The following TMEM74 variants were observed in gnomAD, a reference collection of about 807,000 sequenced individuals.
TMEM74 encodes the protein transmembrane protein 74.
Under a neutral mutation model 18.1 loss-of-function variants are expected in TMEM74, and 13 were observed. That is an observed-to-expected ratio of 0.72 (90% CI 0.47 to 1.14). TMEM74 has a LOEUF of 1.14. Ranked by LOEUF, TMEM74 falls within the 50% of genes most tolerant of loss-of-function variation. The pLI is 0.00. For missense variants in TMEM74, 372 were observed against 375.9 expected (o/e 0.99, Z 0.09); for synonymous variants, 159 against 146.6 (o/e 1.08, Z -0.61).
At chr8:108,646,459 A>G (rs188584241) in intron 2 of TMEM74, among the ~76,000 whole-genome samples, 4 of 152,186 alleles carry the variant, frequency 2.6e-5, no homozygotes, top group African/African-American at 9.6e-5. Context: ...TAAATGCAAG[A>G]TTTCAAAATT....
Position 108,646,291 on chromosome 8 carries a change from C to T in TMEM74, n.264+9002G>A, listed in dbSNP as rs73702120. 5.6e-3 allele frequency among the ~76,000 whole-genome samples: 846 copies of T among 152,046 alleles called. 9 individuals carry two copies. Among genetic ancestry groups the T allele is most frequent in the African/African-American group, 0.019 (788 of 41,498 alleles). Reference sequence around the variant, plus strand: ...GTTGAGGGAATAGGTTTAGGAATCACCTGCTTAGATTCAAGTATGTTATAC... The same window carrying T: ...GTTGAGGGAATAGGTTTAGGAATCATCTGCTTAGATTCAAGTATGTTATAC... On this transcript the variant is annotated intron_variant and non_coding_transcript_variant, in intron 2 of 3. Transcript: ENST00000518838.
At chr8:108,736,407 A>AG (rs1813750089) in intron 1 of TMEM74, among the ~76,000 whole-genome samples, 2 of 152,112 alleles carry the variant, frequency 1.3e-5, no homozygotes, top group Non-Finnish European at 2.9e-5. Flanking sequence ...TTCTCTGATG[A>AG]TCCTATATAA....
chr8:108,691,616 T>A (rs1012281077), intron 1 of TMEM74, among the ~76,000 whole-genome samples: 1 of 152,158 alleles, frequency 6.6e-6, no homozygotes, highest in Non-Finnish European at 1.5e-5. Context: ...GATGCAATAA[T>A]GAAACATGCA....
At chr8:108,684,910 C>T (rs558771897) in intron 1 of TMEM74, among the ~76,000 whole-genome samples, 2 of 151,750 alleles carry the variant, frequency 1.3e-5, no homozygotes, top group Non-Finnish European at 2.9e-5. Flanking sequence ...ATTGCTTTGT[C>T]TATTCAGGGT....
At chr8:108,626,418 T>C (rs1812494046) in intron 2 of TMEM74, 2 of 152,062 alleles carry the variant, frequency 1.3e-5, no homozygotes, top group South Asian at 4.1e-4. Context: ...AGATACCTGA[T>C]TCCTAGATGG....
Position 108,782,578 on chromosome 8 carries a change from T to G in TMEM74, c.*1603A>C, listed in dbSNP as rs534055707. On this transcript the variant is annotated 3_prime_UTR_variant, in exon 2 of 2. Coordinates refer to ENST00000297459, the MANE Select transcript of TMEM74 (RefSeq NM_153015.3). Reference sequence around the variant, plus strand: ...TGACACCCATGAGAGCTCATCCACATAAATATCCTGATTCACACATTTTGC... The same window carrying G: ...TGACACCCATGAGAGCTCATCCACAGAAATATCCTGATTCACACATTTTGC... 8.5e-5 allele frequency among the ~76,000 whole-genome samples: 13 copies of G among 152,322 alleles called. No individual in the cohort carries two copies. Among genetic ancestry groups the G allele is most frequent in the African/African-American group, 3.1e-4 (13 of 41,574 alleles).
chr8:108,616,948 T>A lies in TMEM74; in HGVS notation n.265-8122A>T, dbSNP rs1812389700. On this transcript the variant is annotated intron_variant and non_coding_transcript_variant, in intron 2 of 3. Coordinates refer to the TMEM74 transcript ENST00000518838. ...ATTTATATATAGTGACTATATTATA[T>A]ATACTGACTATATATTTATAGTCAG... Among the ~76,000 whole-genome samples the A allele has an allele frequency of 2.0e-5, 3 of 151,610 alleles. No homozygotes were observed. In the South Asian group the frequency reaches 6.2e-4, roughly 32 times the overall value.
At chr8:108,614,706 C>G (rs1013579359) in intron 2 of TMEM74, among the ~76,000 whole-genome samples, 1 of 152,100 alleles carries the variant, frequency 6.6e-6, no homozygotes, top group African/African-American at 2.4e-5. Flanking sequence ...ATAAAATTGA[C>G]TTTAGCAGGA....
chr8:108,709,340 A>G (rs539459815), intron 1 of TMEM74, among the ~76,000 whole-genome samples: 1 of 152,274 alleles, frequency 6.6e-6, no homozygotes, highest in South Asian at 2.1e-4. Context: ...AAATATTACT[A>G]AGCCTTAAAA....
intron 2 of TMEM74, among the ~76,000 whole-genome samples, chr8:108,643,759 G>GA (rs71564013): frequency 0.2 from 27,855 of 142,654 alleles, 2,616 homozygotes; most frequent in East Asian, 0.28. Flanking sequence ...ATAGACAAAA[G>GA]AAAAAAAAAA....
chr8:108,688,900 T>C (rs1233398576), intron 1 of TMEM74, among the ~76,000 whole-genome samples: 1 of 152,166 alleles, frequency 6.6e-6, no homozygotes, highest in African/African-American at 2.4e-5. Flanking sequence ...AAAAGCAAAC[T>C]GTCTCATCAT....
chr8:108,697,706 T>C (rs934825631), intron 1 of TMEM74, among the ~76,000 whole-genome samples: 3 of 152,212 alleles, frequency 2.0e-5, no homozygotes, highest in African/African-American at 7.2e-5. Flanking sequence ...CCCCAGCCAA[T>C]TCCTTCTTAC....
At chr8:108,619,248 A>C (rs983524175) in intron 2 of TMEM74, among the ~76,000 whole-genome samples, 57 of 152,238 alleles carry the variant, frequency 3.7e-4, no homozygotes, top group African/African-American at 1.4e-3. Context: ...CAGGAATAGA[A>C]ACTAGAAACA....
intron 1 of TMEM74, among the ~76,000 whole-genome samples, chr8:108,707,834 A>G (rs1456855113): frequency 6.6e-6 from 1 of 152,196 alleles, no homozygotes; most frequent in Non-Finnish European, 1.5e-5. Flanking sequence ...AAGGAAAAAT[A>G]AACAAGTAGG....
chr8:108,650,141 C>T (rs1230183175), intron 2 of TMEM74, among the ~76,000 whole-genome samples: 2 of 152,184 alleles, frequency 1.3e-5, no homozygotes, highest in African/African-American at 2.4e-5. Flanking sequence ...GCTTTTCAAA[C>T]TTCACTGATC....
At chr8:108,636,738 T>C (rs190152821) in intron 2 of TMEM74, among the ~76,000 whole-genome samples, 1 of 151,296 alleles carries the variant, frequency 6.6e-6, no homozygotes, top group Non-Finnish European at 1.5e-5. Context: ...CTGAGTGTAC[T>C]CAGGAATCAC....
rs572745186 is a variant in TMEM74 at position 108,780,391 on chromosome 8, T to C, written c.*3790A>G. 6.6e-6 allele frequency among the ~76,000 whole-genome samples: 1 copy of C among 152,302 alleles called. No individual in the cohort carries two copies. Among genetic ancestry groups the C allele is most frequent in the African/African-American group, 2.4e-5 (1 of 41,574 alleles). On this transcript the variant is annotated 3_prime_UTR_variant, in exon 2 of 2. Coordinates refer to ENST00000297459, the MANE Select transcript of TMEM74 (RefSeq NM_153015.3). ...GTTCACATGCTCCTGCCTAGAATTT[T>C]TGCTTGTCAGAAGGTGGTAAAAAAA...
intron 1 of TMEM74, among the ~76,000 whole-genome samples, chr8:108,715,442 T>A (rs561827673): frequency 6.6e-5 from 10 of 151,462 alleles, no homozygotes; most frequent in Admixed American, 5.9e-4. Context: ...GAAAAAAAAA[T>A]GAGTTGCCTT....
intron 1 of TMEM74, among the ~76,000 whole-genome samples, chr8:108,669,770 G>C (rs894012131): frequency 6.6e-6 from 1 of 152,008 alleles, no homozygotes; most frequent in African/African-American, 2.4e-5. Flanking sequence ...AGGCATGGTG[G>C]CTCACGCCAG....
Sources: gnomAD v4.1 joint callset for allele counts (sites outside exome capture counted in the v4.1 genomes callset) on GRCh38, gnomAD v4.1.1 for gene constraint, MANE v1.5 for transcripts, NCBI Gene and HGNC (gene_info 2026-07-23, HGNC 2026-07-21) for gene names.